Variants in ZNF653 observed in about 807,000 individuals in gnomAD.
ZNF653 encodes zinc finger protein 653.
In ZNF653, 37 loss-of-function variants were observed where a neutral mutation model predicts 59.9. That is an observed-to-expected ratio of 0.62 (90% CI 0.48 to 0.81). The LOEUF (loss-of-function observed/expected upper bound fraction) is 0.81. ZNF653 is among the 40% of genes least tolerant of loss of function. The pLI, the probability that ZNF653 is intolerant of heterozygous loss-of-function variation, is 0.00. For synonymous variants in ZNF653, 435 were observed against 371.8 expected (o/e 1.17, Z -1.96); for missense variants, 808 against 881.1 (o/e 0.92, Z 1.05).
intron 6 of ZNF653, 151 bp downstream of exon 6, chr19:11,486,618 T>A: frequency 1.5e-6 from 1 of 650,606 alleles, no homozygotes; most frequent in Non-Finnish European, 2.6e-6. Flanking sequence ...CATCCTCCCA[T>A]GCCAGGTCCT....
intron 6 of ZNF653, among the ~76,000 whole-genome samples, chr19:11,486,440 A>G (rs1971466537): frequency 6.6e-6 from 1 of 152,222 alleles, no homozygotes; most frequent in Non-Finnish European, 1.5e-5. Flanking sequence ...TTTGAGGGCT[A>G]TCAGCCTCTG....
chr19:11,498,602 C>A (rs1971612347), intron 1 of ZNF653, among the ~76,000 whole-genome samples: 1 of 151,570 alleles, frequency 6.6e-6, no homozygotes, highest in African/African-American at 2.4e-5. Flanking sequence ...CGCCACCACA[C>A]CTGGCTAATT....
Position 11,487,876 on chromosome 19 carries a change from G to C in ZNF653, c.587C>G (p.Ser196Cys). 1 of 1,598,458 alleles carries C rather than the reference G, an allele frequency of 6.3e-7. No homozygotes were observed. Among genetic ancestry groups the C allele is most frequent in the Non-Finnish European group, 8.5e-7 (1 of 1,170,130 alleles). ...KVGNGLVAGS[S>C]DSSSSGSASD... ...GGCAGAGCCAGAGCTGGATGAGTCAGAGCTGCCAGCCACCAGCCCATTGCC... is the reference window on the plus strand; with the variant it reads ...GGCAGAGCCAGAGCTGGATGAGTCACAGCTGCCAGCCACCAGCCCATTGCC... Residue 196 changes from serine (S) to cysteine (C), a missense_variant, in exon 4 of 9, where the codon TCT becomes TGT. Physicochemically the swap from Ser to Cys is moderately radical, Grantham distance 112 (BLOSUM62 -1). Coordinates refer to ENST00000293771, the MANE Select transcript of ZNF653 (RefSeq NM_138783.4). This position sits in a 1 kb window ranked among gnomAD's most constrained non-coding sequence, Gnocchi z 5.1.
Position 11,505,569 on chromosome 19 carries a change from C to A in ZNF653, c.218G>T (p.Arg73Leu). 1 of 1,514,456 alleles carries A rather than the reference C, an allele frequency of 6.6e-7. No homozygotes were observed. The highest frequency in any genetic ancestry group is 8.8e-7 in the Non-Finnish European group (1 of 1,141,052). 93.8% of individuals were successfully genotyped at this position (1,514,456 alleles called of 1,614,324 possible). A position where few individuals can be genotyped will look rare whatever the true frequency, so the allele number is the denominator to read the frequency against. The change falls in exon 1 of 9, where the codon CGG becomes CTG. Residue 73 changes from arginine (R) to leucine (L), a missense_variant. Coordinates refer to ENST00000293771, the MANE Select transcript of ZNF653 (RefSeq NM_138783.4). ...GGCGTCGCTCCAGCCGCTGCGGCGC[C>A]GCAGGTCCACCCAGGGCCCGTGCGC... ...GEAHGPWVDLRRRSGWSDAKL... is the reference protein window; with the variant it reads ...GEAHGPWVDLLRRSGWSDAKL...
At chr19:11,503,710 G>A (rs569514317) in intron 1 of ZNF653, among the ~76,000 whole-genome samples, 1 of 152,178 alleles carries the variant, frequency 6.6e-6, no homozygotes, top group Admixed American at 6.5e-5. Flanking sequence ...GGAGACTGAG[G>A]CAGGAGGATC....
At position 11,487,356 on chromosome 19, in the gene ZNF653, C is replaced by A; in HGVS notation, c.1107G>T (p.Glu369Asp). ...TGGTGCTAGGCTGGCTACCCTCGGG[C>A]TCTGTCTGGGTGTAGGCTGCCACAC... ...MEGVAAYTQTEPEGSQPSTMD... is the reference protein window; with the variant it reads ...MEGVAAYTQTDPEGSQPSTMD... The change falls in exon 4 of 9, where the codon GAG (glutamate) becomes GAT (aspartate). Residue 369 changes from glutamate (E) to aspartate (D), a missense_variant. Physicochemically the swap from Glu to Asp is conservative, Grantham distance 45 (BLOSUM62 2). Transcript: ENST00000293771. The surrounding 1 kb of genome is among the most constrained non-coding windows in gnomAD (Gnocchi z 5.1). 6.2e-7 allele frequency: 1 copy of A among 1,613,372 alleles called. No individual in the cohort carries two copies. Among genetic ancestry groups the A allele is most frequent in the Non-Finnish European group, 8.5e-7 (1 of 1,179,896 alleles).
At chr19:11,486,731 G>A in intron 6 of ZNF653, 38 bp downstream of exon 6, 1 of 1,540,586 alleles carries the variant, frequency 6.5e-7, no homozygotes, top group South Asian at 1.2e-5. Context: ...CCTGGGCCTT[G>A]TGGGCCTGGC....
intron 1 of ZNF653, chr19:11,504,437 AC>A (rs1252621026): frequency 2.4e-5 from 18 of 758,922 alleles, no homozygotes; most frequent in South Asian, 6.0e-5. Flanking sequence ...GAACAAAAAA[AC>A]CCCCCAGACC....
In ZNF653 at chr19:11,485,878, G is replaced by A. The variant is rs1408679679; in HGVS notation, c.1456-108C>T. On this transcript the variant is annotated intron_variant, in intron 6 of 8. Coordinates refer to ENST00000293771, the MANE Select transcript of ZNF653 (RefSeq NM_138783.4). ...AGGCAGGCTGGGGCTGGCCTCCCCA[G>A]GAGGAGGGAAGAGGGGTACCCTTGC... The A allele has an allele frequency of 4.9e-6, 4 of 822,882 alleles. No homozygotes were observed. The East Asian group carries it at 9.8e-5, about 20-fold the overall frequency. The allele number at this position is 822,882 out of a possible 1,614,324, so 51.0% of individuals were successfully genotyped here. A position where few individuals can be genotyped will look rare whatever the true frequency, so the allele number is the denominator to read the frequency against.
Position 11,495,347 on chromosome 19 carries a change from G to C in ZNF653, c.559+603C>G, listed in dbSNP as rs945686190. On this transcript the variant is annotated intron_variant, in intron 3 of 8. Coordinates refer to ENST00000293771, the MANE Select transcript of ZNF653 (RefSeq NM_138783.4). This position sits in a 1 kb window ranked among gnomAD's most constrained non-coding sequence, Gnocchi z 4.9. ...GGAATAGAAGGAAACAAGAGAAAGA[G>C]AGAGAGGGAGATGAGACAGAAAATG... Among the ~76,000 whole-genome samples, 2 of 152,138 alleles carry C rather than the reference G, an allele frequency of 1.3e-5. No individual in the cohort carries two copies. The highest frequency in any genetic ancestry group is 2.9e-5 in the Non-Finnish European group (2 of 68,030).
Position 11,485,776 on chromosome 19 carries a change from G to T in ZNF653, c.1456-6C>A. On this transcript the variant is annotated splice_polypyrimidine_tract_variant and splice_region_variant and intron_variant, in intron 6 of 8. Transcript: ENST00000293771. Reference sequence around the variant, plus strand: ...TGCACAAGATTGACGTGGTTCTGGAGACGAGACAGGCAGAAGTGGGTCCCA... The same window carrying T: ...TGCACAAGATTGACGTGGTTCTGGATACGAGACAGGCAGAAGTGGGTCCCA... The T allele has an allele frequency of 6.2e-7, 1 of 1,611,218 alleles. No homozygotes were observed. Among genetic ancestry groups the T allele is most frequent in the Non-Finnish European group, 8.5e-7 (1 of 1,177,554 alleles).
rs1971584229 is a variant in ZNF653 at position 11,496,057 on chromosome 19, C to A, written c.452G>T (p.Gly151Val). The stretch of plus-strand genomic sequence containing the variant: ...CTGCCACACGGCCGTGGTGTACAGG[C>A]CAAAAGTGGGGTCTAGCTCCGCCAG... The part of the protein sequence containing the change: ...PHLAELDPTF[G>V]LYTTAVWQCE... The change falls in exon 3 of 9, where the codon GGC (glycine) becomes GTC (valine). Residue 151 changes from glycine to valine, a missense_variant. Physicochemically the swap from Gly to Val is moderately radical, Grantham distance 109. Coordinates refer to ENST00000293771, the MANE Select transcript of ZNF653 (RefSeq NM_138783.4). 1 of 1,614,046 alleles carries A rather than the reference C, an allele frequency of 6.2e-7. No individual in the cohort carries two copies. The highest frequency in any genetic ancestry group is 8.5e-7 in the Non-Finnish European group (1 of 1,180,036).
chr19:11,491,959 G>A (rs1045830567), intron 3 of ZNF653, among the ~76,000 whole-genome samples: 3 of 152,012 alleles, frequency 2.0e-5, no homozygotes, highest in Non-Finnish European at 4.4e-5. Context: ...ATTTTTTCAG[G>A]GGGAATTTCC....
At chr19:11,491,253 T>C (rs1230074654) in intron 3 of ZNF653, among the ~76,000 whole-genome samples, 1 of 152,170 alleles carries the variant, frequency 6.6e-6, no homozygotes, top group African/African-American at 2.4e-5. Context: ...GGTGTGGCCA[T>C]GTGGCTGAGT....
intron 2 of ZNF653, among the ~76,000 whole-genome samples, chr19:11,496,818 G>A (rs1365232541): frequency 1.3e-5 from 2 of 152,208 alleles, no homozygotes; most frequent in East Asian, 1.9e-4. Flanking sequence ...AGTGAGCCAA[G>A]GTCGCAACAC....
chr19:11,486,747 C>T, intron 6 of ZNF653, 22 bp downstream of exon 6: 3 of 1,579,628 alleles, frequency 1.9e-6, no homozygotes, highest in South Asian at 2.3e-5. Flanking sequence ...CTGGCCCAGG[C>T]TGCTCCGGGT....
chr19:11,493,604 G>A (rs904260932), intron 3 of ZNF653, among the ~76,000 whole-genome samples: 3 of 152,208 alleles, frequency 2.0e-5, no homozygotes, highest in Non-Finnish European at 2.9e-5. Flanking sequence ...TCCAGAAGGA[G>A]GGCGCAGTGT....
At chr19:11,496,515 C>G (rs978049846) in intron 2 of ZNF653, among the ~76,000 whole-genome samples, 1 of 152,156 alleles carries the variant, frequency 6.6e-6, no homozygotes, top group African/African-American at 2.4e-5. Context: ...CTAACCACCC[C>G]CTACAGCCGC....
At position 11,487,797 on chromosome 19, in the gene ZNF653, T is replaced by C; in HGVS notation, c.666A>G (p.Ala222=). 1 of 1,612,058 alleles carries C rather than the reference T, an allele frequency of 6.2e-7. No homozygotes were observed. Among genetic ancestry groups the C allele is most frequent in the Non-Finnish European group, 8.5e-7 (1 of 1,179,492 alleles). ...CCGGGCTGGTGGGCGTCGCTGCCGCTGCCGCTGCCGCAGCCTTGACCGGCT... is the reference window on the plus strand; with the variant it reads ...CCGGGCTGGTGGGCGTCGCTGCCGCCGCCGCTGCCGCAGCCTTGACCGGCT... ...EGQPVKAAAA[A]AAATPTSPVG... is the part of the protein sequence containing the mutation. Residue 222 remains alanine, a synonymous_variant, in exon 4 of 9, where the codon GCA becomes GCG. Coordinates refer to ENST00000293771, the MANE Select transcript of ZNF653 (RefSeq NM_138783.4). The surrounding 1 kb of genome is among the most constrained non-coding windows in gnomAD (Gnocchi z 5.1).
Sources: allele counts gnomAD v4.1 joint callset (sites outside exome capture counted in the v4.1 genomes callset), GRCh38; gene constraint gnomAD v4.1.1; non-coding constraint Gnocchi (gnomAD v3.1); transcripts MANE v1.5; gene names NCBI Gene and HGNC (gene_info 2026-07-23, HGNC 2026-07-21).